SPATA24: variants seen among roughly 807,000 people sequenced by gnomAD.
The protein encoded by SPATA24 is spermatogenesis-associated protein 24.
Under a neutral mutation model 28.9 loss-of-function variants are expected in SPATA24, and 21 were observed. The ratio of observed to expected loss-of-function variants is 0.73; its 90% CI spans 0.52 to 1.05. The LOEUF is 1.05. Among genes scored for constraint, SPATA24 ranks in the 50% least tolerant of loss-of-function variants. The probability of loss-of-function intolerance (pLI) is 0.00; values close to 1 mark genes in which losing one functional copy is unlikely to be tolerated. For missense variants in SPATA24, 215 were observed against 242.9 expected (o/e 0.88, Z 0.76); for synonymous variants, 76 against 89.9 (o/e 0.85, Z 0.88).
downstream of SPATA24, chr5:139,392,723 G>A (rs1581394508): frequency 1.4e-6 from 2 of 1,416,450 alleles, no homozygotes; most frequent in Non-Finnish European, 9.2e-7. This position sits in a 1 kb window ranked among gnomAD's most constrained non-coding sequence, Gnocchi z 5.8. Context: ...GGGGAGCGCT[G>A]GGATGAGCTG....
rs1261612571 is a variant in SPATA24, at chr5:139,403,954, A to AGCTGGTGGATTAGTTCCTCC, written c.87_106dup (p.Leu36ArgfsTer4). The AGCTGGTGGATTAGTTCCTCC allele has an allele frequency of 6.4e-7, 1 of 1,551,460 alleles. No individual in the cohort carries two copies. On this transcript the variant is annotated stop_gained and frameshift_variant, in exon 1 of 6. Coordinates refer to ENST00000450845, the MANE Select transcript of SPATA24 (RefSeq NM_194296.2). LOFTEE classifies it high-confidence loss of function. ...CCTCTGGCTGCATACCACGTTCCTCAGCTGGTGGATTAGTTCCTCCTGAGA... is the reference window on the plus strand; with the variant it reads ...CCTCTGGCTGCATACCACGTTCCTCAGCTGGTGGATTAGTTCCTCCGCTGGTGGATTAGTTCCTCCTGAGA...
downstream of SPATA24, chr5:139,394,494 G>A: frequency 2.1e-6 from 3 of 1,422,546 alleles, no homozygotes; most frequent in South Asian, 3.0e-5. Context: ...CGGGCGCGGC[G>A]CCCTCCTCCA....
chr5:139,403,869 G>A (rs561711721), intron 1 of SPATA24, 75 bp downstream of exon 1: 5 of 1,286,580 alleles, frequency 3.9e-6, no homozygotes, highest in Non-Finnish European at 4.4e-6. Context: ...CCCCCGCATC[G>A]GAACAGGTTC....
At chr5:139,392,797 T>A (rs1390167494), downstream of SPATA24, 2 of 1,488,022 alleles carry the variant, frequency 1.3e-6, no homozygotes, top group Non-Finnish European at 1.8e-6. This position sits in a 1 kb window ranked among gnomAD's most constrained non-coding sequence, Gnocchi z 5.8. Context: ...GGCCTCTACA[T>A]CCCTGTTCTC....
chr5:139,394,767 C>A (rs1404817607), downstream of SPATA24: 1 of 1,531,360 alleles, frequency 6.5e-7, no homozygotes, highest in Non-Finnish European at 8.8e-7. Flanking sequence ...CCGACGGCAG[C>A]GTGCGCAGCT....
chr5:139,402,463 G>A (rs1244043079), intron 2 of SPATA24, among the ~76,000 whole-genome samples, 165 bp downstream of exon 2: 4 of 151,678 alleles, frequency 2.6e-5, no homozygotes, highest in Non-Finnish European at 4.4e-5. Context: ...GGCTGGTCTC[G>A]AACTCCTGAC....
At chr5:139,393,394 T>G (rs1312669790), downstream of SPATA24, 12 of 1,551,552 alleles carry the variant, frequency 7.7e-6, no homozygotes, top group Non-Finnish European at 6.1e-6. Flanking sequence ...GGATGGACTC[T>G]GCATCTCTGT....
intron 4 of SPATA24, 93 bp from the exon 5 acceptor site, chr5:139,397,236 G>T: frequency 2.2e-6 from 2 of 918,762 alleles, no homozygotes; most frequent in Admixed American, 2.3e-5. Context: ...TTCAGAGCTT[G>T]GCTCCCCACC....
downstream of SPATA24, chr5:139,394,323 C>A: frequency 6.8e-7 from 1 of 1,469,294 alleles, no homozygotes; most frequent in Non-Finnish European, 9.0e-7. Flanking sequence ...TGGCCAACGC[C>A]GTCTGCACGA....
chr5:139,396,636 A>T, downstream of SPATA24: 1 of 1,484,794 alleles, frequency 6.7e-7, no homozygotes. Flanking sequence ...CCTACCAGAC[A>T]ACAAAGACCC....
chr5:139,396,491 T>C, downstream of SPATA24: 3 of 1,190,362 alleles, frequency 2.5e-6, no homozygotes, highest in Non-Finnish European at 3.2e-6. Context: ...TTGAAGTTTC[T>C]GGTCAGGGCT....
chr5:139,394,128 G>A, downstream of SPATA24: 2 of 1,547,722 alleles, frequency 1.3e-6, no homozygotes, highest in Non-Finnish European at 1.7e-6. Context: ...CGCGCTCGCG[G>A]AGGCTGGGCC....
At chr5:139,403,780 GC>G (rs1163848803) in intron 1 of SPATA24, among the ~76,000 whole-genome samples, 163 bp downstream of exon 1, 1 of 152,192 alleles carries the variant, frequency 6.6e-6, no homozygotes, top group African/African-American at 2.4e-5. Context: ...AGGAAGGTCC[GC>G]CCCTTTTTGG....
rs758949590 is a variant in SPATA24 at position 139,401,610 on chromosome 5, C to T, written c.385+145G>A. 24 of 873,826 alleles carry T rather than the reference C, an allele frequency of 2.7e-5. 1 individual carries two copies. The highest frequency in any genetic ancestry group is 1.3e-4 in the South Asian group (9 of 70,888). 54.1% of individuals were successfully genotyped at this position (873,826 alleles called of 1,614,324 possible). On this transcript the variant is annotated intron_variant, in intron 4 of 5. Coordinates refer to ENST00000450845, the MANE Select transcript of SPATA24 (RefSeq NM_194296.2). ...CCTGCCTGGTCCCTTAAGGCCTTTT[C>T]GAAGGTGTGGCCCACCCGGGCCTGC...
downstream of SPATA24, chr5:139,395,025 C>A (rs959565448): frequency 6.9e-7 from 1 of 1,443,018 alleles, no homozygotes; most frequent in Admixed American, 3.0e-5. Flanking sequence ...GCGCGGGGGC[C>A]GTGGGCAGCT....
chr5:139,401,502 T>A, intron 4 of SPATA24: 2 of 635,160 alleles, frequency 3.1e-6, no homozygotes. Context: ...GAAGGTTGTA[T>A]GTTTCAGGAA....
intron 4 of SPATA24, among the ~76,000 whole-genome samples, chr5:139,398,759 C>T (rs1462203973): frequency 2.6e-5 from 4 of 151,278 alleles, no homozygotes; most frequent in Non-Finnish European, 5.9e-5. Flanking sequence ...CACAGTGGCT[C>T]ATGCCTGTAA....
chr5:139,394,092 G>C (rs1427806563), downstream of SPATA24: 8 of 1,550,326 alleles, frequency 5.2e-6, 1 homozygote, highest in Admixed American at 1.6e-4. Context: ...GCTCCGTCCC[G>C]GGCGCAGGCT....
chr5:139,395,854 G>A (rs989915909), downstream of SPATA24: 6 of 152,498 alleles, frequency 3.9e-5, no homozygotes, highest in Non-Finnish European at 7.3e-5. Flanking sequence ...CCTACAGGAA[G>A]CTTCGAAGTA....
Sources: allele counts gnomAD v4.1 joint callset (sites outside exome capture counted in the v4.1 genomes callset), GRCh38; gene constraint gnomAD v4.1.1; non-coding constraint Gnocchi (gnomAD v3.1); transcripts MANE v1.5; gene names NCBI Gene and HGNC (gene_info 2026-07-23, HGNC 2026-07-21).